Variants in IQSEC1 observed in about 807,000 individuals in gnomAD.
IQSEC1 encodes IQ motif and Sec7 domain ArfGEF 1.
In IQSEC1, 31 loss-of-function variants were observed where a neutral mutation model predicts 91.0. That is an observed-to-expected ratio of 0.34 (90% CI 0.26 to 0.46). The LOEUF is 0.46. Ranked by LOEUF, IQSEC1 falls within the 20% of genes least tolerant of loss-of-function variation. The pLI is 1.00. For missense variants in IQSEC1, 1,388 were observed against 1,575.6 expected (o/e 0.88, Z 2.02); for synonymous variants, 699 against 662.6 (o/e 1.05, Z -0.84).
At chr3:13,052,874 C>T (rs944544306) in intron 1 of IQSEC1, 2 of 713,720 alleles carry the variant, frequency 2.8e-6, no homozygotes, top group Non-Finnish European at 2.5e-6. Flanking sequence ...ATGTCCAACT[C>T]TCCAGATAGT....
rs1188256702 is a variant in IQSEC1 at position 12,994,363 on chromosome 3, G to A, written c.24-52498C>T. Among the ~76,000 whole-genome samples, 1 of 151,852 alleles carries A rather than the reference G, an allele frequency of 6.6e-6. No individual in the cohort carries two copies. The highest frequency in any genetic ancestry group is 1.9e-4 in the East Asian group (1 of 5,154). ...TGTGCGTGCGCGGCTGTGCTAGGGGGCGGGGAGGACGGTGCCGCCCCGGCC... is the reference window on the plus strand; with the variant it reads ...TGTGCGTGCGCGGCTGTGCTAGGGGACGGGGAGGACGGTGCCGCCCCGGCC... On this transcript the variant is annotated intron_variant, in intron 1 of 13. Transcript: ENST00000613206. This position sits in a 1 kb window ranked among gnomAD's most constrained non-coding sequence, Gnocchi z 4.5.
chr3:13,266,622 T>G (rs1230096259), intron 1 of IQSEC1, among the ~76,000 whole-genome samples: 1 of 151,284 alleles, frequency 6.6e-6, no homozygotes, highest in African/African-American at 2.4e-5. Flanking sequence ...GGAGAACTAT[T>G]CAGGGAGAAA....
At chr3:13,224,832 T>A (rs1371254246) in intron 1 of IQSEC1, among the ~76,000 whole-genome samples, 2 of 152,230 alleles carry the variant, frequency 1.3e-5, no homozygotes, top group Non-Finnish European at 2.9e-5. Flanking sequence ...GGAGCTGCCC[T>A]GGCTTAAAAG....
At chr3:13,235,253 C>A (rs1248192213) in intron 1 of IQSEC1, among the ~76,000 whole-genome samples, 1 of 152,138 alleles carries the variant, frequency 6.6e-6, no homozygotes, top group Admixed American at 6.5e-5. Flanking sequence ...CTCCAGGGAG[C>A]CACTGTGGCC....
intron 2 of IQSEC1, among the ~76,000 whole-genome samples, chr3:13,096,625 G>C (rs1212166860): frequency 6.6e-6 from 1 of 152,206 alleles, no homozygotes; most frequent in Non-Finnish European, 1.5e-5. Flanking sequence ...ACACCCCAGA[G>C]AGGAAGGAAC....
intron 1 of IQSEC1, among the ~76,000 whole-genome samples, chr3:13,188,924 T>TA (rs1693976106): frequency 6.6e-6 from 1 of 152,216 alleles, no homozygotes; most frequent in African/African-American, 2.4e-5. Flanking sequence ...AGTGGGCCCT[T>TA]AAGTCCATTT....
At chr3:13,077,750 C>G (rs1012075931), upstream of IQSEC1, among the ~76,000 whole-genome samples, 6 of 152,302 alleles carry the variant, frequency 3.9e-5, no homozygotes, top group African/African-American at 1.4e-4. Flanking sequence ...GTGTGGGCTT[C>G]TGGAAGCCTG....
At chr3:12,947,697 G>A (rs553477200) in intron 1 of IQSEC1, among the ~76,000 whole-genome samples, 11 of 152,196 alleles carry the variant, frequency 7.2e-5, no homozygotes, top group Non-Finnish European at 1.0e-4. Context: ...CAGAGAGCAC[G>A]TAAGGGCCTG....
intron 1 of IQSEC1, among the ~76,000 whole-genome samples, chr3:13,216,341 G>A (rs1167193328): frequency 6.6e-6 from 1 of 152,216 alleles, no homozygotes; most frequent in Admixed American, 6.5e-5. Context: ...AGGAACACAT[G>A]GTCAAATATG....
At chr3:13,128,979 G>A (rs974077963) in intron 2 of IQSEC1, among the ~76,000 whole-genome samples, 11 of 151,838 alleles carry the variant, frequency 7.2e-5, no homozygotes, top group African/African-American at 1.9e-4. Context: ...TTTGGTATTC[G>A]GATAAAGCAG....
chr3:13,243,865 G>A (rs1210156875), intron 1 of IQSEC1, among the ~76,000 whole-genome samples: 6 of 152,230 alleles, frequency 3.9e-5, no homozygotes, highest in Non-Finnish European at 7.3e-5. Context: ...CTGTATCTTC[G>A]CTGTGCGACT....
At chr3:12,974,279 C>T (rs1289202269) in intron 1 of IQSEC1, among the ~76,000 whole-genome samples, 2 of 152,192 alleles carry the variant, frequency 1.3e-5, no homozygotes, top group African/African-American at 4.8e-5. Context: ...CCTCCAAGCC[C>T]GGATCCCCAG....
chr3:12,906,399 G>A (rs1288981690), intron 12 of IQSEC1, among the ~76,000 whole-genome samples: 3 of 152,170 alleles, frequency 2.0e-5, no homozygotes, highest in Non-Finnish European at 4.4e-5. Context: ...CCCTCCCCAG[G>A]AAGGCTGCCA....
rs1212664786 is a variant in IQSEC1, at chr3:12,994,395, G to A, written c.24-52530C>T. The stretch of plus-strand genomic sequence containing the variant: ...GGACGGTGCCGCCCCGGCCGCCGAC[G>A]TCACCCGAGCCTGGACGAGTGGAGG... On this transcript the variant is annotated intron_variant, in intron 1 of 13. Transcript: ENST00000613206. The surrounding 1 kb of genome is among the most constrained non-coding windows in gnomAD (Gnocchi z 4.5). Among the ~76,000 whole-genome samples, 1 of 151,312 alleles carries A rather than the reference G, an allele frequency of 6.6e-6. No individual in the cohort carries two copies. Among genetic ancestry groups the A allele is most frequent in the Non-Finnish European group, 1.5e-5 (1 of 67,682 alleles).
chr3:13,219,012 CCCTG>C (rs1333180704), intron 1 of IQSEC1, among the ~76,000 whole-genome samples: 5 of 152,236 alleles, frequency 3.3e-5, no homozygotes, highest in Non-Finnish European at 7.3e-5. Flanking sequence ...GCCACAGCCA[CCCTG>C]GTCCAGGCCA....
chr3:13,035,482 G>T (rs973126286), intron 1 of IQSEC1, among the ~76,000 whole-genome samples: 1 of 152,084 alleles, frequency 6.6e-6, no homozygotes, highest in African/African-American at 2.4e-5. Context: ...CCCCTCTCTT[G>T]AATAATCACC....
chr3:13,114,792 CA>C (rs11462232), intron 2 of IQSEC1, among the ~76,000 whole-genome samples: 2,826 of 90,290 alleles, frequency 0.031, 44 homozygotes, highest in East Asian at 0.084. Context: ...GACATCGTCT[CA>C]AAAAAAAAAA....
chr3:13,277,523 C>T (rs1362163191), intron 1 of IQSEC1, among the ~76,000 whole-genome samples: 1 of 152,204 alleles, frequency 6.6e-6, no homozygotes. Flanking sequence ...TTCGGAGACA[C>T]ACTCCCTCGT....
chr3:12,927,873 T>C (rs191952510), intron 3 of IQSEC1, among the ~76,000 whole-genome samples: 12 of 149,198 alleles, frequency 8.0e-5, no homozygotes, highest in Non-Finnish European at 1.3e-4. Flanking sequence ...GGTGCTGAGG[T>C]GGGTGGGGAG....
Sources: allele counts gnomAD v4.1 joint callset (sites outside exome capture counted in the v4.1 genomes callset), GRCh38; gene constraint gnomAD v4.1.1; non-coding constraint Gnocchi (gnomAD v3.1); transcripts MANE v1.5; gene names NCBI Gene and HGNC (gene_info 2026-07-23, HGNC 2026-07-21).